The following LRRN2 variants were observed in gnomAD, a reference collection of about 807,000 sequenced individuals.
LRRN2 encodes leucine-rich repeat neuronal protein 2.
A neutral mutation model predicts 35.7 loss-of-function variants in LRRN2; 10 were observed. The ratio of observed to expected loss-of-function variants is 0.28; its 90% confidence interval spans 0.17 to 0.47. LRRN2 has a LOEUF of 0.47. Among genes scored for constraint, LRRN2 ranks in the 20% least tolerant of loss-of-function variants. LRRN2 has a pLI of 0.99. For missense variants in LRRN2, 731 were observed against 940.3 expected, an observed-to-expected ratio of 0.78 and a Z score of 2.91; for synonymous variants, 391 against 409.6, an observed-to-expected ratio of 0.95 and a Z score of 0.55.
intron 1 of LRRN2, among the ~76,000 whole-genome samples, chr1:204,666,578 TCATGTTATACTA>T (rs1668577882): frequency 1.3e-5 from 2 of 152,190 alleles, no homozygotes; most frequent in South Asian, 4.1e-4. Flanking sequence ...CACATCCCTA[TCATGTTATACTA>T]CATGGTGACA....
chr1:204,649,029 G>T (rs1181820356), intron 1 of LRRN2, among the ~76,000 whole-genome samples: 1 of 152,238 alleles, frequency 6.6e-6, no homozygotes, highest in Non-Finnish European at 1.5e-5. Context: ...CCAGACCCTG[G>T]CTTCAGAAAG....
chr1:204,652,193 G>A (rs891453825), intron 1 of LRRN2, among the ~76,000 whole-genome samples: 1 of 152,098 alleles, frequency 6.6e-6, no homozygotes, highest in Non-Finnish European at 1.5e-5. Flanking sequence ...AAAGGGAGAC[G>A]GAAAAACGGA....
chr1:204,660,779 C>T (rs1668455975), intron 1 of LRRN2, among the ~76,000 whole-genome samples: 2 of 152,222 alleles, frequency 1.3e-5, no homozygotes, highest in African/African-American at 2.4e-5. Context: ...CAGGCTTGTT[C>T]TGTGCAATTT....
intron 1 of LRRN2, among the ~76,000 whole-genome samples, chr1:204,648,122 A>G (rs1176254598): frequency 6.6e-6 from 1 of 152,242 alleles, no homozygotes; most frequent in Non-Finnish European, 1.5e-5. Context: ...GCCACTGAAG[A>G]CAAGATGGGC....
In LRRN2 at chr1:204,682,095, T is replaced by C. The variant is rs79503226; in HGVS notation, c.-227+3225A>G. On this transcript the variant is annotated intron_variant, in intron 1 of 1. Transcript: ENST00000367177. ...GCTTTTATAAAGAGTCCAAGCCATA[T>C]AGATTAAGAACACAAGTGACATTTA... is the stretch of plus-strand genomic sequence containing the variant. Among the ~76,000 whole-genome samples, 1,510 of 152,302 alleles carry C rather than the reference T, an allele frequency of 9.9e-3. 16 individuals carry two copies. The highest frequency in any genetic ancestry group is 0.016 in the Non-Finnish European group (1,058 of 68,028).
At chr1:204,645,469 G>A (rs1015566987) in intron 1 of LRRN2, among the ~76,000 whole-genome samples, 1 of 152,128 alleles carries the variant, frequency 6.6e-6, no homozygotes, top group Non-Finnish European at 1.5e-5. Flanking sequence ...CTGGACATGG[G>A]TAAAAGAATG....
chr1:204,624,593 G>A (rs1667176173), intron 1 of LRRN2, among the ~76,000 whole-genome samples: 1 of 152,204 alleles, frequency 6.6e-6, no homozygotes, highest in Non-Finnish European at 1.5e-5. Context: ...TTTGGCAAAG[G>A]TCTGAAGGAA....
chr1:204,682,260 T>C (rs1255689191), intron 1 of LRRN2, among the ~76,000 whole-genome samples: 7 of 152,168 alleles, frequency 4.6e-5, no homozygotes, highest in Non-Finnish European at 5.9e-5. Context: ...GGAAAAGTCA[T>C]TGCCCTCCCT....
intron 1 of LRRN2, among the ~76,000 whole-genome samples, chr1:204,681,765 C>T (rs146557186): frequency 1.4e-4 from 21 of 152,324 alleles, no homozygotes; most frequent in African/African-American, 4.8e-4. Context: ...ACCCAGGCCC[C>T]GCACTGGAAA....
chr1:204,683,692 G>A (rs948408656), intron 1 of LRRN2, among the ~76,000 whole-genome samples: 2 of 152,164 alleles, frequency 1.3e-5, no homozygotes, highest in Non-Finnish European at 2.9e-5. Context: ...AATCTCCCAG[G>A]CACTGAGGCC....
chr1:204,677,848 A>G (rs1668859294), intron 1 of LRRN2, among the ~76,000 whole-genome samples: 1 of 152,134 alleles, frequency 6.6e-6, no homozygotes, highest in Admixed American at 6.5e-5. Context: ...CTCTGGAAAG[A>G]GTACAGGGGG....
intron 1 of LRRN2, among the ~76,000 whole-genome samples, chr1:204,624,702 A>T (rs891444041): frequency 6.7e-6 from 1 of 149,920 alleles, no homozygotes; most frequent in Non-Finnish European, 1.5e-5. Context: ...TGGTGGATGC[A>T]GAGTCTCCTC....
chr1:204,638,147 A>T, intron 1 of LRRN2, among the ~76,000 whole-genome samples: 1 of 122,828 alleles, frequency 8.1e-6, no homozygotes, highest in South Asian at 3.0e-4. Context: ...TGAGGCCTGC[A>T]GGCAGAGGCC....
Position 204,619,399 on chromosome 1 carries a change from G to C in LRRN2, c.594C>G (p.Gly198=). Residue 198 remains glycine, a synonymous_variant, in exon 2 of 2, where the codon GGC becomes GGG. Coordinates refer to ENST00000367177, the MANE Select transcript of LRRN2 (RefSeq NM_201630.2). ...LPNLEILMIG[G]NKVDAILDMN... is the part of the protein sequence containing the mutation. ...TGTCCAGGATGGCATCTACCTTGTT[G>C]CCGCCAATCATGAGTATCTCCAAGT... 1 of 1,614,256 alleles carries C rather than the reference G, an allele frequency of 6.2e-7. No individual in the cohort carries two copies. The highest frequency in any genetic ancestry group is 2.2e-5 in the East Asian group (1 of 44,888).
At chr1:204,635,012 GCTCA>G (rs1667798806) in intron 1 of LRRN2, among the ~76,000 whole-genome samples, 1 of 152,180 alleles carries the variant, frequency 6.6e-6, no homozygotes, top group Non-Finnish European at 1.5e-5. Context: ...TATGACCTAG[GCTCA>G]CTGCATAGTG....
rs202018376 is a variant in LRRN2, at chr1:204,666,987, G to T, written c.-227+18333C>A. Among the ~76,000 whole-genome samples the T allele has an allele frequency of 3.8e-3, 370 of 98,076 alleles. 2 individuals carry two copies. Among genetic ancestry groups the T allele is most frequent in the South Asian group, 6.9e-3 (19 of 2,758 alleles). The allele number at this position is 98,076 out of a possible 152,430, so 64.3% of individuals were successfully genotyped here. A position where few individuals can be genotyped will look rare whatever the true frequency, so the allele number is the denominator to read the frequency against. ...CAAAAAAAAAAAAAAAAAAAAAAAA[G>T]CCAACAGCAAAAAATTACAGACTCA... is the stretch of plus-strand genomic sequence containing the variant. On this transcript the variant is annotated intron_variant, in intron 1 of 1. Coordinates refer to ENST00000367177, the MANE Select transcript of LRRN2 (RefSeq NM_201630.2).
intron 1 of LRRN2, among the ~76,000 whole-genome samples, chr1:204,657,358 A>ACACACACG (rs1668383433): frequency 6.6e-6 from 1 of 151,720 alleles, no homozygotes; most frequent in African/African-American, 2.4e-5. Flanking sequence ...ACACACACAC[A>ACACACACG]CACACACACG....
intron 1 of LRRN2, among the ~76,000 whole-genome samples, chr1:204,656,952 A>G (rs1668369319): frequency 6.6e-6 from 1 of 152,204 alleles, no homozygotes; most frequent in African/African-American, 2.4e-5. Context: ...TGTTCTCTGC[A>G]TCTTCCTTAA....
At chr1:204,624,762 C>G (rs879444570) in intron 1 of LRRN2, among the ~76,000 whole-genome samples, 21 of 136,006 alleles carry the variant, frequency 1.5e-4, no homozygotes, top group South Asian at 1.5e-3. Flanking sequence ...CCCACCCCCC[C>G]CCCCGGGAGC....
Sources: gnomAD v4.1 joint callset for allele counts (sites outside exome capture counted in the v4.1 genomes callset) on GRCh38, gnomAD v4.1.1 for gene constraint, MANE v1.5 for transcripts, NCBI Gene and HGNC (gene_info 2026-07-23, HGNC 2026-07-21) for gene names.